Variants in DAPK1 observed in about 807,000 individuals in gnomAD.
The protein encoded by DAPK1 is death-associated protein kinase 1.
A neutral mutation model predicts 144.9 loss-of-function variants in DAPK1; 56 were observed. The observed-to-expected ratio is 0.39, with a 90% confidence interval of 0.31 to 0.48. The LOEUF is 0.48. Ranked by LOEUF, DAPK1 falls within the 20% of genes least tolerant of loss-of-function variation. DAPK1 has a pLI of 0.95. For missense variants in DAPK1, 1,454 were observed against 1,875.4 expected (o/e 0.78, Z 4.15); for synonymous variants, 690 against 749.0 (o/e 0.92, Z 1.29).
chr9:87,595,547 T>A (rs774412296), intron 2 of DAPK1, among the ~76,000 whole-genome samples: 1 of 152,230 alleles, frequency 6.6e-6, no homozygotes, highest in Non-Finnish European at 1.5e-5. Context: ...TAAAGAGGTA[T>A]CTTGAGCTAC....
intron 15 of DAPK1, 101 bp from the exon 16 acceptor site, chr9:87,649,820 G>T: frequency 1.9e-6 from 2 of 1,064,106 alleles, no homozygotes; most frequent in Non-Finnish European, 2.9e-6. Flanking sequence ...CTGCTGCCTT[G>T]GTTGCGTTTC....
At position 87,638,040 on chromosome 9, in the gene DAPK1, T is replaced by C. The variant is rs768180350; in HGVS notation, c.382T>C (p.Tyr128His). Residue 128 changes from tyrosine to histidine, a missense_variant, in exon 4 of 26, where the codon TAC (tyrosine) becomes CAC (histidine). Physicochemically the swap from Tyr to His is moderately conservative, Grantham distance 83. Around this residue, in one of 2 missense-constraint regions of DAPK1, gnomAD observed 429 missense variants for 637.5 expected, o/e 0.67. Transcript: ENST00000408954. ...TCTCAAACAAATTCTTAATGGTGTT[T>C]ACTACCTGCACTCCCTTCAAATCGC... is the stretch of plus-strand genomic sequence containing the variant. ...EFLKQILNGVYYLHSLQIAHF... is the reference protein window; with the variant it reads ...EFLKQILNGVHYLHSLQIAHF... 1.4e-5 allele frequency: 22 copies of C among 1,613,976 alleles called. No homozygotes were observed. The South Asian group carries it at 2.2e-4, about 16-fold the overall frequency.
At chr9:87,665,007 A>G (rs957526354) in intron 18 of DAPK1, among the ~76,000 whole-genome samples, 19 of 152,114 alleles carry the variant, frequency 1.2e-4, no homozygotes, top group African/African-American at 4.3e-4. Flanking sequence ...CCAGGTATCC[A>G]TGTGATTTGG....
At chr9:87,705,894 C>T (rs1290038193) in intron 25 of DAPK1, among the ~76,000 whole-genome samples, 1 of 151,894 alleles carries the variant, frequency 6.6e-6, no homozygotes, top group Non-Finnish European at 1.5e-5. Flanking sequence ...TTTCGCTGGC[C>T]TTTTTGAAGA....
At chr9:87,677,318 G>A (rs950418067) in intron 19 of DAPK1, among the ~76,000 whole-genome samples, 3 of 152,186 alleles carry the variant, frequency 2.0e-5, no homozygotes, top group African/African-American at 7.2e-5. Flanking sequence ...GAGCAAGTCA[G>A]CCTGCAGGTT....
At chr9:87,625,285 G>T (rs1446416135) in intron 3 of DAPK1, among the ~76,000 whole-genome samples, 1 of 152,234 alleles carries the variant, frequency 6.6e-6, no homozygotes, top group Non-Finnish European at 1.5e-5. Context: ...TCAGCTGAAG[G>T]CCATACAGGC....
At chr9:87,571,639 C>T (rs1827366173) in intron 2 of DAPK1, among the ~76,000 whole-genome samples, 1 of 152,148 alleles carries the variant, frequency 6.6e-6, no homozygotes, top group Admixed American at 6.5e-5. Context: ...TTGCATCCTG[C>T]GGCTGCCCAT....
At chr9:87,592,668 C>T (rs926000925) in intron 2 of DAPK1, among the ~76,000 whole-genome samples, 1 of 152,182 alleles carries the variant, frequency 6.6e-6, no homozygotes, top group African/African-American at 2.4e-5. Flanking sequence ...TCACGATAAG[C>T]TGCATGCTTG....
intron 18 of DAPK1, among the ~76,000 whole-genome samples, chr9:87,665,166 C>T (rs1831008433): frequency 6.7e-6 from 1 of 150,204 alleles, no homozygotes. Flanking sequence ...CCTATCACCA[C>T]CTGACCTACT....
chr9:87,553,491 CTTTTCTTTT>C (rs151235530), intron 2 of DAPK1: 32,433 of 144,406 alleles, frequency 0.22, 4,078 homozygotes, highest in Non-Finnish European at 0.3. Flanking sequence ...TTTTTCTTTT[CTTTTCTTTT>C]TTTTTTTTTT....
chr9:87,560,908 C>G (rs1249492858), intron 2 of DAPK1, among the ~76,000 whole-genome samples: 1 of 152,078 alleles, frequency 6.6e-6, no homozygotes, highest in Non-Finnish European at 1.5e-5. Flanking sequence ...TCAGGTGATC[C>G]ACCCACCTCG....
At chr9:87,589,244 A>G (rs1202225520) in intron 2 of DAPK1, among the ~76,000 whole-genome samples, 1 of 152,000 alleles carries the variant, frequency 6.6e-6, no homozygotes, top group Non-Finnish European at 1.5e-5. Context: ...GGACTCTTAG[A>G]GACCATAGTC....
chr9:87,657,704 C>G (rs1830677726), intron 17 of DAPK1: 1 of 345,836 alleles, frequency 2.9e-6, no homozygotes, highest in Admixed American at 4.4e-5. Context: ...CTGGCTGTGT[C>G]TAAATTTGAA....
intron 9 of DAPK1, 21 bp from the exon 10 acceptor site, chr9:87,641,948 T>G (rs373351220): frequency 8.2e-6 from 13 of 1,588,150 alleles, no homozygotes; most frequent in African/African-American, 5.4e-5. Context: ...TTTAATTTTT[T>G]TTCTTGGATT....
chr9:87,705,054 TATC>T (rs977731856), intron 25 of DAPK1, among the ~76,000 whole-genome samples: 28 of 152,150 alleles, frequency 1.8e-4, no homozygotes, highest in African/African-American at 6.3e-4. Flanking sequence ...GGCCAACTAT[TATC>T]ATGGCAGCAT....
intron 2 of DAPK1, among the ~76,000 whole-genome samples, chr9:87,585,409 G>C (rs960392969): frequency 6.6e-6 from 1 of 152,170 alleles, no homozygotes. Flanking sequence ...TAGCATGTAG[G>C]TTGTCTATTT....
At position 87,706,196 on chromosome 9, in the gene DAPK1, C is replaced by G. The variant is rs1564080732; in HGVS notation, c.3125C>G (p.Thr1042Arg). 6.2e-7 allele frequency: 1 copy of G among 1,612,282 alleles called. No individual in the cohort carries two copies. The highest frequency in any genetic ancestry group is 8.5e-7 in the Non-Finnish European group (1 of 1,178,388). ...CTCCTGGACCCCCGCTGGCTCTGCA[C>G]AAACGTCCTGGGGAAGTTGCTGTCC... ...VLLLDPRWLCTNVLGKLLSVE... is the reference protein window; with the variant it reads ...VLLLDPRWLCRNVLGKLLSVE... Residue 1042 changes from threonine to arginine, a missense_variant, in exon 26 of 26, where the codon ACA becomes AGA. Thr to Arg is a moderately conservative substitution (Grantham distance 71). Coordinates refer to ENST00000408954, the MANE Select transcript of DAPK1 (RefSeq NM_004938.4). This position sits in a 1 kb window ranked among gnomAD's most constrained non-coding sequence, Gnocchi z 9.0.
intron 3 of DAPK1, among the ~76,000 whole-genome samples, chr9:87,626,911 C>CA (rs1274876546): frequency 6.6e-6 from 1 of 152,060 alleles, no homozygotes; most frequent in African/African-American, 2.4e-5. Flanking sequence ...GAGGGCTGTA[C>CA]ACCATACTCG....
At chr9:87,682,695 CAAT>C (rs1213754782) in intron 20 of DAPK1, among the ~76,000 whole-genome samples, 2 of 152,180 alleles carry the variant, frequency 1.3e-5, no homozygotes, top group African/African-American at 4.8e-5. Flanking sequence ...ATACATATGT[CAAT>C]ATTTATAGAG....
Sources: allele counts gnomAD v4.1 joint callset (sites outside exome capture counted in the v4.1 genomes callset), GRCh38; gene constraint gnomAD v4.1.1; regional missense constraint gnomAD v4.1.1; non-coding constraint Gnocchi (gnomAD v3.1); transcripts MANE v1.5; gene names NCBI Gene and HGNC (gene_info 2026-07-23, HGNC 2026-07-21).